B4GALT5: variants seen among roughly 807,000 people sequenced by gnomAD.
B4GALT5 encodes UDP-Gal:beta-GlcNAc beta-1,4-galactosyltransferase 5.
Under a neutral mutation model 45.0 loss-of-function variants are expected in B4GALT5, and 11 were observed. That is an observed-to-expected ratio of 0.24 (90% CI 0.15 to 0.40). The LOEUF (loss-of-function observed/expected upper bound fraction) is 0.40, where lower values mean the gene tolerates loss of function less well. Ranked by LOEUF, B4GALT5 falls within the 10% of genes least tolerant of loss-of-function variation. The pLI is 1.00. For synonymous variants in B4GALT5, 185 were observed against 182.9 expected, an observed-to-expected ratio of 1.01 and a Z score of -0.09; for missense variants, 337 against 500.2, an observed-to-expected ratio of 0.67 and a Z score of 3.11.
intron 1 of B4GALT5, among the ~76,000 whole-genome samples, chr20:49,665,332 C>T (rs933943685): frequency 2.7e-5 from 4 of 146,128 alleles, no homozygotes; most frequent in African/African-American, 7.6e-5. Context: ...AAGAATCCTT[C>T]GAGCTCAGGA....
chr20:49,670,681 G>C (rs2085712248), intron 1 of B4GALT5, among the ~76,000 whole-genome samples: 1 of 152,130 alleles, frequency 6.6e-6, no homozygotes, highest in Non-Finnish European at 1.5e-5. Flanking sequence ...AAAATTTTAA[G>C]TTGACACTAC....
Position 49,635,443 on chromosome 20 carries a change from G to GC in B4GALT5, c.*868_*869insG, listed in dbSNP as rs1228624076. 4 of 44,682 alleles carry GC rather than the reference G, an allele frequency of 9.0e-5. No homozygotes were observed. Among genetic ancestry groups the GC allele is most frequent in the African/African-American group, 2.0e-4 (4 of 19,660 alleles). The allele number at this position is 44,682 out of a possible 1,614,324, so 2.8% of individuals were successfully genotyped here. On this transcript the variant is annotated 3_prime_UTR_variant, in exon 9 of 9. Transcript: ENST00000371711. The stretch of plus-strand genomic sequence containing the variant: ...AGCAGAAGTCAAGGGCAAGACTCGT[G>GC]GGGGGGGGAAGAAAGGGACAGAAGC...
At chr20:49,657,819 C>T (rs749333338) in intron 1 of B4GALT5, among the ~76,000 whole-genome samples, 2 of 152,090 alleles carry the variant, frequency 1.3e-5, no homozygotes, top group African/African-American at 2.4e-5. Context: ...GTACATAATG[C>T]GCAGCAAACA....
At chr20:49,639,645 T>C in intron 7 of B4GALT5, 33 bp downstream of exon 7, 1 of 1,610,908 alleles carries the variant, frequency 6.2e-7, no homozygotes. Flanking sequence ...AAGGTAGCAT[T>C]TCTAGAAGAC....
Position 49,656,808 on chromosome 20 carries a change from T to C in B4GALT5, c.116-106A>G. The C allele has an allele frequency of 2.2e-6, 3 of 1,389,098 alleles. No homozygotes were observed. The Admixed American group carries it at 6.7e-5, about 31-fold the overall frequency. The allele number at this position is 1,389,098 out of a possible 1,614,324, so 86.0% of individuals were successfully genotyped here. ...TTTTTCTTTTTGGACTTTTAAAGCC[T>C]CTTTTAGTTCTTTTAAAACCCTACA... On this transcript the variant is annotated intron_variant, in intron 1 of 8. Transcript: ENST00000371711.
At position 49,633,609 on chromosome 20, in the gene B4GALT5, T is replaced by C. The variant is rs1355456216; in HGVS notation, c.*2703A>G. 1.3e-5 allele frequency: 2 copies of C among 152,160 alleles called. No individual in the cohort carries two copies. Among genetic ancestry groups the C allele is most frequent in the South Asian group, 4.1e-4 (2 of 4,830 alleles). 9.4% of individuals were successfully genotyped at this position (152,160 alleles called of 1,614,324 possible). The stretch of plus-strand genomic sequence containing the variant: ...AGACACAGACATGACCGCAAAGGTA[T>C]CAAAGTGACCCCACTTTAAGCAGTG... On this transcript the variant is annotated 3_prime_UTR_variant, in exon 9 of 9. Coordinates refer to ENST00000371711, the MANE Select transcript of B4GALT5 (RefSeq NM_004776.4).
At chr20:49,664,155 T>C (rs1024166365) in intron 1 of B4GALT5, among the ~76,000 whole-genome samples, 11 of 152,104 alleles carry the variant, frequency 7.2e-5, no homozygotes, top group Admixed American at 1.3e-4. Flanking sequence ...CCTAATGCAA[T>C]GTAAGATATT....
chr20:49,713,673 CCCCCGGCGGG>C lies in B4GALT5; in HGVS notation c.8_17del (p.Ala3GlyfsTer33). On this transcript the variant is annotated frameshift_variant, in exon 1 of 9. Coordinates refer to ENST00000371711, the MANE Select transcript of B4GALT5 (RefSeq NM_004776.4). LOFTEE classifies it high-confidence loss of function. ...GCGAGCGGCGCGGCAGCCGCAGCAGCCCCCGGCGGGCGCGCATGCTGCAGCCAGGCGGCCG... is the reference window on the plus strand; with the variant it reads ...GCGAGCGGCGCGGCAGCCGCAGCAGCCGCGCATGCTGCAGCCAGGCGGCCG... The C allele has an allele frequency of 1.3e-6, 2 of 1,519,610 alleles. No homozygotes were observed. The highest frequency in any genetic ancestry group is 1.8e-6 in the Non-Finnish European group (2 of 1,129,344). The allele number at this position is 1,519,610 out of a possible 1,614,324, so 94.1% of individuals were successfully genotyped here. A position where few individuals can be genotyped will look rare whatever the true frequency, so the allele number is the denominator to read the frequency against.
intron 3 of B4GALT5, among the ~76,000 whole-genome samples, chr20:49,644,995 A>G (rs531681428): frequency 6.6e-6 from 1 of 152,356 alleles, no homozygotes; most frequent in Non-Finnish European, 1.5e-5. Flanking sequence ...AAGGTATAAG[A>G]GTTTACTGTC....
intron 1 of B4GALT5, among the ~76,000 whole-genome samples, chr20:49,710,965 C>T (rs1413479159): frequency 6.6e-6 from 1 of 151,918 alleles, no homozygotes; most frequent in African/African-American, 2.4e-5. Context: ...TACCTGGAGT[C>T]CCAGCTACTC....
chr20:49,685,288 G>A (rs1261728632), intron 1 of B4GALT5, among the ~76,000 whole-genome samples: 1 of 151,930 alleles, frequency 6.6e-6, no homozygotes, highest in Non-Finnish European at 1.5e-5. Flanking sequence ...GTCTCTAAAA[G>A]GAACTTCAGC....
intron 2 of B4GALT5, among the ~76,000 whole-genome samples, chr20:49,649,454 C>T (rs2085612085): frequency 6.6e-6 from 1 of 152,000 alleles, no homozygotes; most frequent in African/African-American, 2.4e-5. Flanking sequence ...GTGGTGCGCG[C>T]CTGTGGTCCC....
At position 49,661,528 on chromosome 20, in the gene B4GALT5, C is replaced by T. The variant is rs536413346; in HGVS notation, c.116-4826G>A. Among the ~76,000 whole-genome samples, 5 of 152,302 alleles carry T rather than the reference C, an allele frequency of 3.3e-5. No individual in the cohort carries two copies. The East Asian group carries it at 9.6e-4, about 29-fold the overall frequency. ...GGGATTACAGACGTGAGCCACCGCA[C>T]CCAGCTAACTTTGAAAATTCTGAAA... On this transcript the variant is annotated intron_variant, in intron 1 of 8. Coordinates refer to ENST00000371711, the MANE Select transcript of B4GALT5 (RefSeq NM_004776.4).
In B4GALT5 at chr20:49,679,016, A is replaced by G. The variant is rs6125713; in HGVS notation, c.116-22314T>C. Among the ~76,000 whole-genome samples the G allele has an allele frequency of 5.6e-4, 85 of 152,270 alleles. No homozygotes were observed. The East Asian group carries it at 0.016, about 29-fold the overall frequency. ...ACATTAAAAGGGGCTGGGGGTGGGG[A>G]GGGTAACATAAAGCCAAGACCCAAA... On this transcript the variant is annotated intron_variant, in intron 1 of 8. Transcript: ENST00000371711.
intron 1 of B4GALT5, among the ~76,000 whole-genome samples, chr20:49,690,793 T>A (rs908542809): frequency 1.3e-5 from 2 of 152,292 alleles, no homozygotes; most frequent in East Asian, 3.9e-4. Context: ...TTCCTAAAAT[T>A]CTATTTTTAT....
At chr20:49,642,401 T>A in intron 5 of B4GALT5, 67 bp downstream of exon 5, 1 of 1,193,282 alleles carries the variant, frequency 8.4e-7, no homozygotes, top group South Asian at 1.4e-5. Flanking sequence ...AACAGTGGAT[T>A]AGCTTGCAGC....
At position 49,692,752 on chromosome 20, in the gene B4GALT5, G is replaced by A. The variant is rs1380049991; in HGVS notation, c.115+20824C>T. 6.6e-5 allele frequency among the ~76,000 whole-genome samples: 10 copies of A among 152,074 alleles called. No homozygotes were observed. In the East Asian group the frequency reaches 1.9e-3, roughly 29 times the overall value. ...ACACTGCCTCTAGACTACATTTAAC[G>A]TTTTTAGTTAGTATATAAAACTGTA... On this transcript the variant is annotated intron_variant, in intron 1 of 8. Transcript: ENST00000371711.
intron 1 of B4GALT5, among the ~76,000 whole-genome samples, chr20:49,664,820 G>A (rs1480139765): frequency 1.3e-5 from 2 of 152,110 alleles, no homozygotes; most frequent in Non-Finnish European, 2.9e-5. Context: ...TGAAAAAAAT[G>A]TGTGCATATG....
intron 1 of B4GALT5, among the ~76,000 whole-genome samples, chr20:49,706,043 T>A (rs1414614117): frequency 1.1e-4 from 16 of 141,392 alleles, no homozygotes; most frequent in African/African-American, 3.4e-4. Context: ...AAAAAAAAAA[T>A]TAGCTGGGCA....
Sources: allele counts gnomAD v4.1 joint callset (sites outside exome capture counted in the v4.1 genomes callset), GRCh38; gene constraint gnomAD v4.1.1; transcripts MANE v1.5; gene names NCBI Gene and HGNC (gene_info 2026-07-23, HGNC 2026-07-21).